TMEM131L: variants seen among roughly 807,000 people sequenced by gnomAD.
TMEM131L encodes the protein transmembrane 131 like, also known as transmembrane protein 131-like.
Under a neutral mutation model 192.2 loss-of-function variants are expected in TMEM131L, and 54 were observed. The ratio of observed to expected loss-of-function variants is 0.28; its 90% CI spans 0.23 to 0.35. The LOEUF (loss-of-function observed/expected upper bound fraction) is 0.35. Among genes scored for constraint, TMEM131L ranks in the 10% least tolerant of loss-of-function variants. The probability of loss-of-function intolerance (pLI) is 1.00; values close to 1 mark genes in which losing one functional copy is unlikely to be tolerated. For synonymous variants in TMEM131L, 701 were observed against 704.9 expected, an observed-to-expected ratio of 0.99 and a Z score of 0.09; for missense variants, 1,888 against 1,972.9, an observed-to-expected ratio of 0.96 and a Z score of 0.82.
intron 3 of TMEM131L, among the ~76,000 whole-genome samples, chr4:153,487,711 TGTGTGTGTGAGAGAGAGA>T (rs1732443001): frequency 6.9e-6 from 1 of 144,560 alleles, no homozygotes; most frequent in African/African-American, 2.5e-5. Flanking sequence ...TGTGTGTGTG[TGTGTGTGTGAGAGAGAGA>T]GAGAGAGAGA....
chr4:153,530,697 T>G (rs1735833640), intron 3 of TMEM131L, among the ~76,000 whole-genome samples: 1 of 152,162 alleles, frequency 6.6e-6, no homozygotes, highest in Non-Finnish European at 1.5e-5. Context: ...CGTCCCACTG[T>G]TTGACTGAGT....
At chr4:153,583,802 C>T in intron 11 of TMEM131L, 130 bp downstream of exon 11, 1 of 629,696 alleles carries the variant, frequency 1.6e-6, no homozygotes, top group South Asian at 2.0e-5. Context: ...TCAAGAAGTC[C>T]CAGCCTTAGT....
chr4:153,492,037 A>C (rs1732826086), intron 3 of TMEM131L, among the ~76,000 whole-genome samples: 1 of 152,020 alleles, frequency 6.6e-6, no homozygotes. Context: ...GCCTTGCTCC[A>C]TCACCCGAGC....
chr4:153,530,580 A>G (rs948989068), intron 3 of TMEM131L, among the ~76,000 whole-genome samples: 1 of 152,140 alleles, frequency 6.6e-6, no homozygotes, highest in Non-Finnish European at 1.5e-5. Flanking sequence ...GGCTTGCTGT[A>G]CTTGGTGCTG....
intron 3 of TMEM131L, among the ~76,000 whole-genome samples, chr4:153,514,529 C>G (rs1377043892): frequency 1.3e-5 from 2 of 152,140 alleles, no homozygotes; most frequent in African/African-American, 4.8e-5. Context: ...GTCCTAGATT[C>G]TCTTTAAAGC....
chr4:153,509,062 G>C (rs1332768426), intron 3 of TMEM131L, among the ~76,000 whole-genome samples: 1 of 152,092 alleles, frequency 6.6e-6, no homozygotes, highest in African/African-American at 2.4e-5. Flanking sequence ...CTTAAAAAGA[G>C]GGCCGGGTGT....
At chr4:153,604,464 T>A in intron 25 of TMEM131L, 34 bp downstream of exon 25, 3 of 1,556,068 alleles carry the variant, frequency 1.9e-6, no homozygotes, top group Non-Finnish European at 2.6e-6. Context: ...AATTCTCTCC[T>A]GTTTGTACCC....
intron 3 of TMEM131L, among the ~76,000 whole-genome samples, chr4:153,548,215 C>T (rs1350171916): frequency 6.6e-6 from 1 of 152,216 alleles, no homozygotes; most frequent in African/African-American, 2.4e-5. Context: ...AATAGCATAC[C>T]TCTTCTCCGA....
intron 3 of TMEM131L, among the ~76,000 whole-genome samples, chr4:153,544,494 G>A (rs779097041): frequency 6.6e-6 from 1 of 152,146 alleles, no homozygotes; most frequent in Non-Finnish European, 1.5e-5. Context: ...TCTGCCTTGG[G>A]CTGGCCCTCT....
At chr4:153,607,858 G>A (rs1357534572) in intron 25 of TMEM131L, among the ~76,000 whole-genome samples, 2 of 152,242 alleles carry the variant, frequency 1.3e-5, no homozygotes, top group Admixed American at 6.5e-5. Context: ...TTGGGAGGCC[G>A]TGATGGGCAG....
rs796085636 is a variant in TMEM131L, at chr4:153,472,912, G to A, written c.196-933G>A. Among the ~76,000 whole-genome samples the A allele has an allele frequency of 7.2e-4, 109 of 152,320 alleles. 1 individual carries two copies. Among genetic ancestry groups the A allele is most frequent in the African/African-American group, 2.4e-3 (101 of 41,576 alleles). ...CTGAAATATAGGAACTGAGAGAAGA[G>A]GCACCCTGCTTTGGAGAGGTCAGCT... On this transcript the variant is annotated intron_variant, in intron 2 of 34. Transcript: ENST00000409959.
At chr4:153,548,979 G>C (rs1737400933) in intron 3 of TMEM131L, among the ~76,000 whole-genome samples, 1 of 152,096 alleles carries the variant, frequency 6.6e-6, no homozygotes, top group Admixed American at 6.5e-5. Context: ...TTTGAGTCAG[G>C]TCTCAAAAAT....
chr4:153,636,343 C>G lies in TMEM131L; in HGVS notation c.4600C>G (p.Leu1534Val). 1.9e-6 allele frequency: 3 copies of G among 1,614,120 alleles called. No homozygotes were observed. Among genetic ancestry groups the G allele is most frequent in the Non-Finnish European group, 2.5e-6 (3 of 1,180,022 alleles). ...CCGAAGCTTGTCTCCAATGTCTGGA[C>G]TTTTTGGTTCCATCTGGGCCCCGCA... ...STRSLSPMSG[L>V]FGSIWAPQSD... Residue 1534 changes from leucine to valine, a missense_variant, in exon 35 of 35, where the codon CTT becomes GTT. Transcript: ENST00000409959.
intron 3 of TMEM131L, among the ~76,000 whole-genome samples, chr4:153,530,165 T>G (rs1455481643): frequency 6.6e-6 from 1 of 152,178 alleles, no homozygotes; most frequent in Non-Finnish European, 1.5e-5. Flanking sequence ...GGAAATACTG[T>G]GTAAAAATTG....
At chr4:153,598,243 G>GT (rs33919587) in intron 20 of TMEM131L, among the ~76,000 whole-genome samples, 98 of 148,490 alleles carry the variant, frequency 6.6e-4, no homozygotes, top group African/African-American at 6.9e-4. Context: ...TATTTCTTCA[G>GT]TTTTTTTTTT....
chr4:153,591,034 T>G lies in TMEM131L; in HGVS notation c.1671-19T>G. On this transcript the variant is annotated intron_variant, in intron 16 of 34. Coordinates refer to ENST00000409959, the MANE Select transcript of TMEM131L (RefSeq NM_001131007.2). ...ATATCAAAATATTTTTCATAATAGTTTCTTTATCAATTAAACAGGAGGAAT... is the reference window on the plus strand; with the variant it reads ...ATATCAAAATATTTTTCATAATAGTGTCTTTATCAATTAAACAGGAGGAAT... 6.8e-7 allele frequency: 1 copy of G among 1,467,378 alleles called. No homozygotes were observed. Among genetic ancestry groups the G allele is most frequent in the Non-Finnish European group, 9.1e-7 (1 of 1,100,872 alleles). The allele number at this position is 1,467,378 out of a possible 1,614,324, so 90.9% of individuals were successfully genotyped here.
chr4:153,497,511 C>T (rs1447587259), intron 3 of TMEM131L, among the ~76,000 whole-genome samples: 1 of 152,102 alleles, frequency 6.6e-6, no homozygotes, highest in Non-Finnish European at 1.5e-5. Context: ...CAGTTTGAAA[C>T]GTTTTGCTCT....
chr4:153,592,554 C>T lies in TMEM131L; in HGVS notation c.1892C>T (p.Pro631Leu). The T allele has an allele frequency of 6.2e-7, 1 of 1,614,064 alleles. No individual in the cohort carries two copies. The highest frequency in any genetic ancestry group is 8.5e-7 in the Non-Finnish European group (1 of 1,179,928). ...QLLPLSLYPK[P>L]EALVHLLHRW... ...CTGCCTCTCTCCTTGTACCCTAAAC[C>T]CGAAGCCCTAGTGCACCTGCTCCAC... The change falls in exon 18 of 35, where the codon CCC (proline) becomes CTC (leucine). Residue 631 changes from proline (P) to leucine (L), a missense_variant. Transcript: ENST00000409959.
intron 3 of TMEM131L, among the ~76,000 whole-genome samples, chr4:153,500,680 T>C (rs975032401): frequency 2.0e-5 from 3 of 152,244 alleles, no homozygotes; most frequent in African/African-American, 7.2e-5. Flanking sequence ...TTTCTCAATA[T>C]ACACTTAAGT....
Sources: allele counts gnomAD v4.1 joint callset (sites outside exome capture counted in the v4.1 genomes callset), GRCh38; gene constraint gnomAD v4.1.1; transcripts MANE v1.5; gene names NCBI Gene and HGNC (gene_info 2026-07-23, HGNC 2026-07-21).